METTL24: variants seen among roughly 807,000 people sequenced by gnomAD.
METTL24 encodes the protein methyltransferase like 24.
A neutral mutation model predicts 32.7 loss-of-function variants in METTL24; 29 were observed. The observed-to-expected ratio is 0.89, with a 90% CI of 0.66 to 1.21. The LOEUF is 1.21. METTL24 is among the 50% of genes most tolerant of loss of function. METTL24 has a pLI of 0.00. For missense variants in METTL24, 439 were observed against 468.1 expected (o/e 0.94, Z 0.57); for synonymous variants, 163 against 179.5 (o/e 0.91, Z 0.73).
At chr6:110,342,612 G>GTATA (rs1340981556) in intron 1 of METTL24, among the ~76,000 whole-genome samples, 1 of 152,116 alleles carries the variant, frequency 6.6e-6, no homozygotes, top group Non-Finnish European at 1.5e-5. Context: ...GTGGCTTTTA[G>GTATA]TATATATACA....
intron 4 of METTL24, among the ~76,000 whole-genome samples, chr6:110,246,631 C>T (rs1395581476): frequency 3.9e-5 from 6 of 151,996 alleles, no homozygotes; most frequent in Non-Finnish European, 8.8e-5. Context: ...CACAACAGAC[C>T]CTCTTGCTTT....
intron 4 of METTL24, among the ~76,000 whole-genome samples, chr6:110,248,836 A>G: frequency 6.6e-6 from 1 of 152,078 alleles, no homozygotes; most frequent in South Asian, 2.1e-4. Context: ...CTGCCCTGGC[A>G]TGTCCATGGG....
intron 1 of METTL24, among the ~76,000 whole-genome samples, chr6:110,352,503 T>G (rs1440453325): frequency 6.6e-6 from 1 of 152,210 alleles, no homozygotes; most frequent in African/African-American, 2.4e-5. Flanking sequence ...ATATTACATA[T>G]GGGTCTAGAT....
chr6:110,252,763 C>T (rs1778305518), intron 4 of METTL24, among the ~76,000 whole-genome samples: 1 of 152,200 alleles, frequency 6.6e-6, no homozygotes, highest in East Asian at 1.9e-4. Flanking sequence ...GATGTAACAC[C>T]ATTATCTCCC....
chr6:110,299,024 C>A lies in METTL24; in HGVS notation c.684G>T (p.Leu228Phe). The A allele has an allele frequency of 6.2e-7, 1 of 1,614,196 alleles. No individual in the cohort carries two copies. Among genetic ancestry groups the A allele is most frequent in the South Asian group, 1.1e-5 (1 of 91,082 alleles). ...LESQHLWYHR[L>F]SIDWRDPHPA... is the part of the protein sequence containing the mutation. ...GATGGGGATCCCGCCAGTCAATGGA[C>A]AAGCGGTGATACCAAAGGTGCTGAC... The change falls in exon 4 of 5, where the codon TTG (leucine) becomes TTT (phenylalanine). Residue 228 changes from leucine to phenylalanine, a missense_variant. Coordinates refer to ENST00000338882, the MANE Select transcript of METTL24 (RefSeq NM_001123364.3).
rs9374160 is a variant in METTL24, at chr6:110,246,239, G to A, written c.808C>T (p.Leu270=). ...AAAACTTTCCATTCTGCACTTTCCA[G>A]ATCTGCCTTGAGAACGTCAATCTGT... The part of the protein sequence containing the change: ...HHKIDVLKAD[L]ESAEWKVLEN... The change falls in exon 5 of 5, where the codon CTG becomes TTG. Residue 270 remains leucine, a synonymous_variant. Coordinates refer to ENST00000338882, the MANE Select transcript of METTL24 (RefSeq NM_001123364.3). The A allele has an allele frequency of 6.2e-7, 1 of 1,611,160 alleles. No individual in the cohort carries two copies. The highest frequency in any genetic ancestry group is 2.2e-5 in the East Asian group (1 of 44,826).
intron 4 of METTL24, among the ~76,000 whole-genome samples, chr6:110,277,892 G>GA (rs1466972597): frequency 6.6e-6 from 1 of 151,970 alleles, no homozygotes; most frequent in Non-Finnish European, 1.5e-5. Flanking sequence ...AAACATTCAA[G>GA]AAAAAATATC....
At chr6:110,278,075 T>C (rs1487617240) in intron 4 of METTL24, among the ~76,000 whole-genome samples, 1 of 152,158 alleles carries the variant, frequency 6.6e-6, no homozygotes, top group Non-Finnish European at 1.5e-5. Context: ...AGTGTGTTTG[T>C]TTTTTAGCAT....
chr6:110,356,200 T>G (rs1445655403), intron 1 of METTL24, among the ~76,000 whole-genome samples: 3 of 152,202 alleles, frequency 2.0e-5, no homozygotes, highest in East Asian at 3.9e-4. Flanking sequence ...TTCCAGCACT[T>G]TGGGGGATTG....
At chr6:110,271,528 ATAT>A (rs1301052922) in intron 4 of METTL24, among the ~76,000 whole-genome samples, 3 of 152,170 alleles carry the variant, frequency 2.0e-5, no homozygotes, top group African/African-American at 7.2e-5. Context: ...GAATAAGGTT[ATAT>A]TAATGGTGAG....
At chr6:110,355,117 C>T (rs930148045) in intron 1 of METTL24, among the ~76,000 whole-genome samples, 10 of 152,052 alleles carry the variant, frequency 6.6e-5, no homozygotes, top group East Asian at 5.8e-4. Context: ...ACATTCCATC[C>T]GAAATGGATT....
intron 1 of METTL24, among the ~76,000 whole-genome samples, chr6:110,336,853 C>G (rs6938618): frequency 0.62 from 94,690 of 151,890 alleles, 29,568 homozygotes; most frequent in South Asian, 0.67. Context: ...CGTTAGGGAA[C>G]GCAGTGTGGT....
chr6:110,260,715 GAA>G (rs1276769733), intron 4 of METTL24, among the ~76,000 whole-genome samples: 1 of 152,164 alleles, frequency 6.6e-6, no homozygotes, highest in African/African-American at 2.4e-5. Flanking sequence ...TAGCCAGAGA[GAA>G]AGATTGGATT....
At chr6:110,329,719 C>T (rs562098666) in intron 1 of METTL24, among the ~76,000 whole-genome samples, 8 of 152,254 alleles carry the variant, frequency 5.3e-5, no homozygotes, top group Non-Finnish European at 1.0e-4. Flanking sequence ...TTCTCAGACC[C>T]GGCCCTGCTT....
chr6:110,320,562 C>T (rs1008894877), intron 2 of METTL24, among the ~76,000 whole-genome samples: 5 of 152,110 alleles, frequency 3.3e-5, no homozygotes, highest in East Asian at 1.9e-4. Context: ...TTGTGAGGTC[C>T]GGAATTTTAC....
chr6:110,313,893 G>A (rs74383778), intron 3 of METTL24, among the ~76,000 whole-genome samples: 2,599 of 152,246 alleles, frequency 0.017, 85 homozygotes, highest in African/African-American at 0.06. Context: ...CCTAGTATGT[G>A]CCAAGCTCCA....
chr6:110,357,573 A>G (rs1040582930), intron 1 of METTL24: 1 of 153,302 alleles, frequency 6.5e-6, no homozygotes, highest in Non-Finnish European at 1.5e-5. Flanking sequence ...CAGCACATCA[A>G]TGGCAGCCAC....
At chr6:110,356,083 G>C (rs1772690995) in intron 1 of METTL24, among the ~76,000 whole-genome samples, 1 of 148,726 alleles carries the variant, frequency 6.7e-6, no homozygotes, top group African/African-American at 2.5e-5. Context: ...GGGAGGGGTT[G>C]AGGGTGTCAA....
At chr6:110,277,609 G>A (rs1433603385) in intron 4 of METTL24, among the ~76,000 whole-genome samples, 3 of 152,162 alleles carry the variant, frequency 2.0e-5, no homozygotes, top group Non-Finnish European at 2.9e-5. Flanking sequence ...TGCTGTTTAA[G>A]TTATAGTAAA....
Sources: gnomAD v4.1 joint callset for allele counts (sites outside exome capture counted in the v4.1 genomes callset) on GRCh38, gnomAD v4.1.1 for gene constraint, MANE v1.5 for transcripts, NCBI Gene and HGNC (gene_info 2026-07-23, HGNC 2026-07-21) for gene names.